The following NLGN1 variants were observed in gnomAD, a reference collection of about 807,000 sequenced individuals.
The protein encoded by NLGN1 is neuroligin 1.
NLGN1 carries 12 observed loss-of-function variants against 65.5 expected under a neutral mutation model. That is an observed-to-expected ratio of 0.18 (90% CI 0.12 to 0.30). The LOEUF is 0.30. NLGN1 is among the 10% of genes least tolerant of loss of function. The pLI is 1.00. For synonymous variants in NLGN1, 350 were observed against 359.5 expected (o/e 0.97, Z 0.30); for missense variants, 750 against 1,007.1 (o/e 0.74, Z 3.46).
At chr3:173,490,781 T>G (rs1456811378) in intron 2 of NLGN1, among the ~76,000 whole-genome samples, 2 of 152,154 alleles carry the variant, frequency 1.3e-5, no homozygotes, top group Non-Finnish European at 2.9e-5. Context: ...GAGCAGTGGT[T>G]TGTAGTTCTC....
chr3:173,610,474 T>C (rs377329272), intron 3 of NLGN1, among the ~76,000 whole-genome samples: 2 of 151,884 alleles, frequency 1.3e-5, no homozygotes, highest in East Asian at 3.9e-4. Flanking sequence ...GTTACTCTAA[T>C]ATAGAAGGTA....
At chr3:173,842,218 A>G (rs565978415) in intron 4 of NLGN1, among the ~76,000 whole-genome samples, 7 of 152,306 alleles carry the variant, frequency 4.6e-5, no homozygotes, top group Non-Finnish European at 7.4e-5. Context: ...AGCCCACATA[A>G]TTCAATCACC....
chr3:174,119,183 C>A (rs538354224), intron 4 of NLGN1, among the ~76,000 whole-genome samples: 1 of 152,134 alleles, frequency 6.6e-6, no homozygotes, highest in African/African-American at 2.4e-5. Flanking sequence ...CACAGCACAT[C>A]ATCCCATGAT....
intron 4 of NLGN1, among the ~76,000 whole-genome samples, chr3:173,939,227 A>G (rs1468722944): frequency 6.6e-6 from 1 of 152,216 alleles, no homozygotes; most frequent in Non-Finnish European, 1.5e-5. Flanking sequence ...ATGTTTATCT[A>G]ACGGAGTTCT....
chr3:173,884,482 T>C (rs759257747), intron 4 of NLGN1, among the ~76,000 whole-genome samples: 11 of 152,152 alleles, frequency 7.2e-5, no homozygotes, highest in Non-Finnish European at 1.2e-4. Context: ...TATAACACTT[T>C]CTGTAGTGTC....
intron 4 of NLGN1, among the ~76,000 whole-genome samples, chr3:174,143,049 T>C (rs1036014130): frequency 3.3e-5 from 5 of 152,060 alleles, no homozygotes; most frequent in African/African-American, 9.7e-5. Flanking sequence ...TGAGATCTCA[T>C]GTGAACTAAT....
intron 4 of NLGN1, among the ~76,000 whole-genome samples, chr3:173,961,631 C>T (rs1049198791): frequency 1.3e-5 from 2 of 151,976 alleles, no homozygotes; most frequent in African/African-American, 4.8e-5. Context: ...TCTGTGTAAT[C>T]TTAAAGAAAA....
chr3:173,599,948 ATAG>A (rs1404626044), intron 2 of NLGN1, among the ~76,000 whole-genome samples: 1 of 151,982 alleles, frequency 6.6e-6, no homozygotes, highest in Non-Finnish European at 1.5e-5. Flanking sequence ...CAGATTGGAG[ATAG>A]TAGAGGCCGT....
intron 3 of NLGN1, among the ~76,000 whole-genome samples, chr3:173,695,086 G>C (rs551755473): frequency 8.5e-5 from 13 of 152,210 alleles, no homozygotes; most frequent in Non-Finnish European, 1.5e-4. Context: ...AAGGCTTCCA[G>C]CTGGGTGTTA....
exon 7 of NLGN1, chr3:174,283,272 C>A (rs1751752254): frequency 6.6e-6 from 1 of 151,410 alleles, no homozygotes; most frequent in Non-Finnish European, 1.5e-5. Context: ...AAAGGCAAGT[C>A]TCATCTAAGA....
At chr3:174,117,474 A>C (rs1716753521) in intron 4 of NLGN1, among the ~76,000 whole-genome samples, 1 of 152,002 alleles carries the variant, frequency 6.6e-6, no homozygotes, top group South Asian at 2.1e-4. Flanking sequence ...AAAAAAAATT[A>C]GCCAGGCGCA....
At chr3:173,419,207 T>TAC (rs910969128) in intron 1 of NLGN1, among the ~76,000 whole-genome samples, 1 of 151,612 alleles carries the variant, frequency 6.6e-6, no homozygotes, top group Non-Finnish European at 1.5e-5. Flanking sequence ...CGCTTTCTCT[T>TAC]ACAGACAAAG....
chr3:174,261,020 C>G (rs1746788294), intron 4 of NLGN1, among the ~76,000 whole-genome samples: 1 of 152,022 alleles, frequency 6.6e-6, no homozygotes, highest in African/African-American at 2.4e-5. Context: ...TTTCTTAGGG[C>G]TCTGTTCTGT....
chr3:173,439,331 C>T (rs1718718997), intron 2 of NLGN1, among the ~76,000 whole-genome samples: 1 of 151,898 alleles, frequency 6.6e-6, no homozygotes, highest in African/African-American at 2.4e-5. Context: ...AAATTTAATC[C>T]AATGGATGAA....
chr3:173,882,770 T>C (rs185663571), intron 4 of NLGN1, among the ~76,000 whole-genome samples: 29 of 152,386 alleles, frequency 1.9e-4, no homozygotes, highest in African/African-American at 6.5e-4. Flanking sequence ...GTGCTTACTA[T>C]AGTAGCACTT....
chr3:174,255,958 C>G (rs1745674015), intron 4 of NLGN1, among the ~76,000 whole-genome samples: 1 of 152,088 alleles, frequency 6.6e-6, no homozygotes, highest in African/African-American at 2.4e-5. Flanking sequence ...TGCTCCTGGC[C>G]TTCTTCAACA....
intron 3 of NLGN1, among the ~76,000 whole-genome samples, chr3:173,667,919 C>T (rs759464758): frequency 6.6e-6 from 1 of 152,148 alleles, no homozygotes; most frequent in African/African-American, 2.4e-5. Flanking sequence ...GCGTGAGCCA[C>T]CATGCCAGAC....
intron 3 of NLGN1, among the ~76,000 whole-genome samples, chr3:173,622,268 A>C (rs964220133): frequency 6.6e-6 from 1 of 152,072 alleles, no homozygotes; most frequent in African/African-American, 2.4e-5. Flanking sequence ...AACTGTTCTC[A>C]TCTAGTGCTG....
chr3:173,615,571 C>G (rs912631918), intron 3 of NLGN1, among the ~76,000 whole-genome samples: 6 of 151,892 alleles, frequency 4.0e-5, no homozygotes, highest in African/African-American at 1.5e-4. Flanking sequence ...CACTGTGTTC[C>G]CCATAATAAA....
Sources: allele counts gnomAD v4.1 joint callset (sites outside exome capture counted in the v4.1 genomes callset), GRCh38; gene constraint gnomAD v4.1.1; transcripts MANE v1.5; gene names NCBI Gene and HGNC (gene_info 2026-07-23, HGNC 2026-07-21).